CSNK1G2: variants seen among roughly 807,000 people sequenced by gnomAD.
CSNK1G2 encodes casein kinase 1 gamma 2.
CSNK1G2 carries 11 observed loss-of-function variants against 48.0 expected under a neutral mutation model. The observed-to-expected ratio is 0.23, with a 90% CI of 0.14 to 0.38. CSNK1G2 has a LOEUF of 0.38. CSNK1G2 is among the 10% of genes least tolerant of loss of function. The probability of loss-of-function intolerance (pLI) is 1.00; values close to 1 mark genes in which losing one functional copy is unlikely to be tolerated. For synonymous variants in CSNK1G2, 337 were observed against 254.1 expected (o/e 1.33, Z -3.10); for missense variants, 446 against 595.5 (o/e 0.75, Z 2.61).
chr19:1,953,824 G>T, intron 1 of CSNK1G2: 1 of 526,988 alleles, frequency 1.9e-6, no homozygotes, highest in Non-Finnish European at 3.9e-6. Context: ...ATCACCTGTG[G>T]CCCTCCTGTG....
chr19:1,955,658 C>A (rs1466910191), intron 1 of CSNK1G2, among the ~76,000 whole-genome samples: 2 of 152,190 alleles, frequency 1.3e-5, no homozygotes, highest in Admixed American at 1.3e-4. Flanking sequence ...ACGACCCCCT[C>A]AGAGGGGCTG....
chr19:1,959,641 G>A (rs113421821), intron 1 of CSNK1G2, among the ~76,000 whole-genome samples: 1 of 31,218 alleles, frequency 3.2e-5, no homozygotes. Context: ...TAGTGCCACC[G>A]TGGGTCCCCC....
intron 1 of CSNK1G2, among the ~76,000 whole-genome samples, chr19:1,943,889 G>T (rs1045261753): frequency 6.6e-6 from 1 of 152,230 alleles, no homozygotes; most frequent in Admixed American, 6.5e-5. Flanking sequence ...GGCGGAGGGC[G>T]GGTGGTGGAT....
In CSNK1G2 at chr19:1,978,829, C is replaced by CCCGG. The variant is rs761425981; in HGVS notation, c.448-26_448-23dup. ...GGGGAGCGCGTGGGACGGGGAGGGG[C>CCCGG]CCGGCCGACACCGCCGTGCCCCCCT... On this transcript the variant is annotated intron_variant, in intron 5 of 11. Transcript: ENST00000255641. The surrounding 1 kb of genome is among the most constrained non-coding windows in gnomAD (Gnocchi z 7.3). The CCCGG allele has an allele frequency of 6.3e-7, 1 of 1,592,170 alleles. No homozygotes were observed. Among genetic ancestry groups the CCCGG allele is most frequent in the Non-Finnish European group, 8.5e-7 (1 of 1,172,130 alleles).
At chr19:1,967,696 C>T (rs2015409973) in intron 1 of CSNK1G2, among the ~76,000 whole-genome samples, 1 of 120,318 alleles carries the variant, frequency 8.3e-6, no homozygotes, top group African/African-American at 3.8e-5. Context: ...CCCAGGCTGC[C>T]CCCACCACCC....
rs796725993 is a variant in CSNK1G2 at position 1,973,330 on chromosome 19, T to TCTC, written c.187+3373_187+3374insCCT. ...CCTCCGCCTCCTGGGTTCAAGCAAT[T>TCTC]CTGCCTCAGCCTCCCAAGTAGATGA... On this transcript the variant is annotated intron_variant, in intron 2 of 11. Coordinates refer to ENST00000255641, the MANE Select transcript of CSNK1G2 (RefSeq NM_001319.7). Among the ~76,000 whole-genome samples, 683 of 151,764 alleles carry TCTC rather than the reference T, an allele frequency of 4.5e-3. 7 individuals are homozygous for TCTC. The highest frequency in any genetic ancestry group is 0.016 in the African/African-American group (642 of 41,342).
chr19:1,962,400 C>G (rs1036135625), intron 1 of CSNK1G2, among the ~76,000 whole-genome samples: 3 of 151,950 alleles, frequency 2.0e-5, no homozygotes, highest in African/African-American at 7.3e-5. Flanking sequence ...GTCACCACAG[C>G]TCACGCCTAT....
Position 1,969,818 on chromosome 19 carries a change from C to G in CSNK1G2, c.46C>G (p.Arg16Gly), listed in dbSNP as rs746540201. The G allele has an allele frequency of 7.6e-7, 1 of 1,310,410 alleles. No individual in the cohort carries two copies. The highest frequency in any genetic ancestry group is 3.1e-5 in the Admixed American group (1 of 32,622). 81.2% of individuals were successfully genotyped at this position (1,310,410 alleles called of 1,614,324 possible). A position where few individuals can be genotyped will look rare whatever the true frequency, so the allele number is the denominator to read the frequency against. ...KGGKGETEEGRRMSKAGGGRS... is the reference protein window; with the variant it reads ...KGGKGETEEGGRMSKAGGGRS... ...AGGGAAAGGGGAGACGGAGGAGGGCCGGAGAATGTCCAAGGCCGGCGGGGG... is the reference window on the plus strand; with the variant it reads ...AGGGAAAGGGGAGACGGAGGAGGGCGGGAGAATGTCCAAGGCCGGCGGGGG... The change falls in exon 2 of 12, where the codon CGG becomes GGG. Residue 16 changes from arginine to glycine, a missense_variant. Arg to Gly is a moderately radical substitution (Grantham distance 125, BLOSUM62 -2). Around this residue, in one of 2 missense-constraint regions of CSNK1G2, gnomAD observed 258 missense variants for 415.9 expected, o/e 0.62. Transcript: ENST00000255641.
chr19:1,957,251 G>T lies in CSNK1G2; in HGVS notation c.-265-12257G>T, dbSNP rs74543677. Among the ~76,000 whole-genome samples the T allele has an allele frequency of 0.016, 2,415 of 152,334 alleles. 55 individuals carry two copies. The highest frequency in any genetic ancestry group is 0.055 in the African/African-American group (2,288 of 41,558). ...GGAGGGATAGCCTACACGGAGAGCA[G>T]GCCAGTGGCCCTGTGCCCAGGAGGG... is the stretch of plus-strand genomic sequence containing the variant. On this transcript the variant is annotated intron_variant, in intron 1 of 11. Transcript: ENST00000255641. The surrounding 1 kb of genome is among the most constrained non-coding windows in gnomAD (Gnocchi z 5.4).
chr19:1,978,128 C>T lies in CSNK1G2; in HGVS notation c.188-177C>T, dbSNP rs1335013151. On this transcript the variant is annotated intron_variant, in intron 2 of 11. Transcript: ENST00000255641. This position sits in a 1 kb window ranked among gnomAD's most constrained non-coding sequence, Gnocchi z 7.3. Reference sequence around the variant, plus strand: ...GGGTGCAGGTGTCGGGATGACTTGGCAGGCCATGGTGCAGTGCTCTGGCAG... The same window carrying T: ...GGGTGCAGGTGTCGGGATGACTTGGTAGGCCATGGTGCAGTGCTCTGGCAG... Among the ~76,000 whole-genome samples, 1 of 152,036 alleles carries T rather than the reference C, an allele frequency of 6.6e-6. No individual in the cohort carries two copies. The highest frequency in any genetic ancestry group is 1.5e-5 in the Non-Finnish European group (1 of 67,980).
chr19:1,967,600 G>C (rs1487634906), intron 1 of CSNK1G2, among the ~76,000 whole-genome samples: 2 of 152,068 alleles, frequency 1.3e-5, no homozygotes, highest in African/African-American at 4.8e-5. Flanking sequence ...GGTGACAGCC[G>C]CGTCCCTGGG....
chr19:1,965,070 T>G (rs1259646903), intron 1 of CSNK1G2, among the ~76,000 whole-genome samples: 1 of 148,246 alleles, frequency 6.7e-6, no homozygotes, highest in East Asian at 2.1e-4. Flanking sequence ...ACAACGCACC[T>G]GGTCACCCAA....
At chr19:1,944,207 C>G (rs1048387835) in intron 1 of CSNK1G2, among the ~76,000 whole-genome samples, 8 of 152,036 alleles carry the variant, frequency 5.3e-5, no homozygotes, top group Non-Finnish European at 1.2e-4. Context: ...TCCCCCATCC[C>G]GCGGATCTGC....
In CSNK1G2 at chr19:1,980,473, GA is replaced by G. The variant is rs751788212; in HGVS notation, c.*280del. On this transcript the variant is annotated 3_prime_UTR_variant, in exon 12 of 12. Transcript: ENST00000255641. Reference sequence around the variant, plus strand: ...TAACTATTTAAAACAAGGAAAAGAGGAAAAAAAAAACAGAGGCCCGCCCTAC... The same window carrying G: ...TAACTATTTAAAACAAGGAAAAGAGGAAAAAAAAACAGAGGCCCGCCCTAC... 8.1e-4 allele frequency: 365 copies of G among 449,814 alleles called. No individual in the cohort carries two copies. Among genetic ancestry groups the G allele is most frequent in the Middle Eastern group, 1.4e-3 (3 of 2,122 alleles). 27.9% of individuals were successfully genotyped at this position (449,814 alleles called of 1,614,324 possible). A position where few individuals can be genotyped will look rare whatever the true frequency, so the allele number is the denominator to read the frequency against.
Position 1,979,482 on chromosome 19 carries a change from G to A in CSNK1G2, c.854-13G>A, listed in dbSNP as rs1568207139. 8 of 1,536,652 alleles carry A rather than the reference G, an allele frequency of 5.2e-6. 1 individual carries two copies. The highest frequency in any genetic ancestry group is 2.3e-5 in the South Asian group (2 of 87,216). On this transcript the variant is annotated splice_polypyrimidine_tract_variant and intron_variant, in intron 8 of 11. Transcript: ENST00000255641. ...CCACCCCCGCCGAGGCCCCGCTGGC[G>A]CTCTCTCTGCAGAGGAGATGGCCAC...
intron 1 of CSNK1G2, among the ~76,000 whole-genome samples, chr19:1,963,599 G>C (rs1463648975): frequency 6.9e-6 from 1 of 144,478 alleles, no homozygotes; most frequent in African/African-American, 2.6e-5. Flanking sequence ...CCTTCGCCTT[G>C]CAGGTTCAAG....
rs1048604023 is a variant in CSNK1G2, at chr19:1,978,592, T to G, written c.299-10T>G. 6.3e-6 allele frequency: 10 copies of G among 1,587,130 alleles called. No individual in the cohort carries two copies. The highest frequency in any genetic ancestry group is 1.8e-5 in the Admixed American group (1 of 56,056). The stretch of plus-strand genomic sequence containing the variant: ...CCGCCGCACGCCCGTGCGTCTGTCC[T>G]CCGCCGCAGAGGGCGTCCCTCAGGT... On this transcript the variant is annotated splice_polypyrimidine_tract_variant and intron_variant, in intron 4 of 11. Transcript: ENST00000255641. The surrounding 1 kb of genome is among the most constrained non-coding windows in gnomAD (Gnocchi z 7.3).
rs2015981231 is a variant in CSNK1G2, at chr19:1,981,236, T to C, written c.*1033T>C. 1 of 152,226 alleles carries C rather than the reference T, an allele frequency of 6.6e-6. No homozygotes were observed. Among genetic ancestry groups the C allele is most frequent in the African/African-American group, 2.4e-5 (1 of 41,452 alleles). 9.4% of individuals were successfully genotyped at this position (152,226 alleles called of 1,614,324 possible). A position where few individuals can be genotyped will look rare whatever the true frequency, so the allele number is the denominator to read the frequency against. On this transcript the variant is annotated 3_prime_UTR_variant, in exon 12 of 12. Coordinates refer to ENST00000255641, the MANE Select transcript of CSNK1G2 (RefSeq NM_001319.7). ...CGGTGGCTGTGAGTCTAGTTTTTGC[T>C]TTACCAAGTGTACAGAAATGGCATT...
At chr19:1,948,218 G>A (rs552451730) in intron 1 of CSNK1G2, among the ~76,000 whole-genome samples, 3 of 152,314 alleles carry the variant, frequency 2.0e-5, no homozygotes, top group East Asian at 1.9e-4. Flanking sequence ...CGGGCTCACA[G>A]CGTTTCTTAA....
Sources: gnomAD v4.1 joint callset for allele counts (sites outside exome capture counted in the v4.1 genomes callset) on GRCh38, gnomAD v4.1.1 for gene constraint, gnomAD v4.1.1 regional missense constraint, Gnocchi (gnomAD v3.1) non-coding constraint, MANE v1.5 for transcripts, NCBI Gene and HGNC (gene_info 2026-07-23, HGNC 2026-07-21) for gene names.